NPHP4: variants seen among roughly 807,000 people sequenced by gnomAD.
The protein encoded by NPHP4 is nephrocystin 4.
A neutral mutation model predicts 155.8 loss-of-function variants in NPHP4; 151 were observed. The observed-to-expected ratio is 0.97, with a 90% CI of 0.85 to 1.11. The LOEUF is 1.11. NPHP4 is among the 50% of genes least tolerant of loss of function. The pLI is 0.00. For missense variants in NPHP4, 1,956 were observed against 1,925.7 expected, an observed-to-expected ratio of 1.02 and a Z score of -0.29; for synonymous variants, 845 against 816.8, an observed-to-expected ratio of 1.03 and a Z score of -0.59.
chr1:5,866,320 C>T, intron 26 of NPHP4, 53 bp downstream of exon 26: 4 of 1,199,478 alleles, frequency 3.3e-6, no homozygotes, highest in Non-Finnish European at 4.9e-6. Context: ...CCCAGGCCTG[C>T]CTCCTCCTCT....
chr1:5,923,601 G>A (rs1434122542), intron 11 of NPHP4, among the ~76,000 whole-genome samples: 1 of 152,218 alleles, frequency 6.6e-6, no homozygotes, highest in Non-Finnish European at 1.5e-5. Context: ...GGCAGACATA[G>A]CGCTGTTCCC....
chr1:5,891,332 T>G (rs1644114827), intron 16 of NPHP4, among the ~76,000 whole-genome samples: 1 of 152,222 alleles, frequency 6.6e-6, no homozygotes, highest in Admixed American at 6.5e-5. Flanking sequence ...TGAGGCTGGC[T>G]AGGGAGTTTA....
chr1:5,865,211 A>G lies in NPHP4; in HGVS notation c.3707T>C (p.Val1236Ala), dbSNP rs1641085294. 6.2e-7 allele frequency: 1 copy of G among 1,607,948 alleles called. No homozygotes were observed. The highest frequency in any genetic ancestry group is 2.2e-5 in the East Asian group (1 of 44,686). Reference protein sequence around the residue: ...WQVYLHSLQRVDVSCVAGQLT... With the variant: ...WQVYLHSLQRADVSCVAGQLT... ...CTGGCCTGCGACGCAGGAGACATCCACGCGCTGCAGGGAGTGGAGGTAGAC... is the reference window on the plus strand; with the variant it reads ...CTGGCCTGCGACGCAGGAGACATCCGCGCGCTGCAGGGAGTGGAGGTAGAC... The change falls in exon 27 of 30, where the codon GTG becomes GCG. Residue 1236 changes from valine to alanine, a missense_variant. Coordinates refer to ENST00000378156, the MANE Select transcript of NPHP4 (RefSeq NM_015102.5).
chr1:5,904,773 G>T lies in NPHP4; in HGVS notation c.1987C>A (p.Pro663Thr), dbSNP rs886046465. Residue 663 changes from proline (P) to threonine (T), a missense_variant, in exon 16 of 30, where the codon CCA becomes ACA. By Grantham distance (38) the Pro-to-Thr change is conservative. Coordinates refer to ENST00000378156, the MANE Select transcript of NPHP4 (RefSeq NM_015102.5). ...VAQDCRGTSW[P>T]KTVYFTFQFY... ...TGGAAGGTGAAATACACAGTCTTTG[G>T]CCATGATGTTCCTCGGCAGTCCTGG... 1.9e-6 allele frequency: 3 copies of T among 1,614,002 alleles called. No individual in the cohort carries two copies. Among genetic ancestry groups the T allele is most frequent in the Admixed American group, 1.7e-5 (1 of 60,016 alleles).
rs918984988 is a variant in NPHP4, at chr1:5,864,720, G to A, written c.3817-203C>T. On this transcript the variant is annotated intron_variant, in intron 27 of 29. Transcript: ENST00000378156. ...ACCAGGCAAGTCCCTCCTCTCACAC[G>A]GCGACTATTCCCTAAGCGCTGCCTC... 46 of 547,614 alleles carry A rather than the reference G, an allele frequency of 8.4e-5. No individual in the cohort carries two copies. In the South Asian group the frequency reaches 1.3e-3, roughly 16 times the overall value. The allele number at this position is 547,614 out of a possible 1,614,324, so 33.9% of individuals were successfully genotyped here.
intron 23 of NPHP4, among the ~76,000 whole-genome samples, chr1:5,872,964 G>A (rs1423811528): frequency 6.6e-6 from 1 of 152,222 alleles, no homozygotes; most frequent in Non-Finnish European, 1.5e-5. Flanking sequence ...CGCAGGCTGT[G>A]GCAGCCACCA....
At chr1:5,866,302 C>T (rs1641213876) in intron 26 of NPHP4, 71 bp downstream of exon 26, 1 of 1,008,528 alleles carries the variant, frequency 9.9e-7, no homozygotes, top group East Asian at 2.6e-5. Context: ...TTTCAATCCA[C>T]CAGCAGCCCC....
At chr1:5,984,001 A>G (rs1655102467) in intron 2 of NPHP4, among the ~76,000 whole-genome samples, 1 of 152,108 alleles carries the variant, frequency 6.6e-6, no homozygotes. Flanking sequence ...CAGGAATTCC[A>G]CTTCTAGGAA....
chr1:5,887,326 C>A lies in NPHP4; in HGVS notation c.2445G>T (p.Ser815=), dbSNP rs764367617. 1 of 1,613,452 alleles carries A rather than the reference C, an allele frequency of 6.2e-7. No homozygotes were observed. Among genetic ancestry groups the A allele is most frequent in the East Asian group, 2.2e-5 (1 of 44,882 alleles). Residue 815 remains serine (S), a synonymous_variant, in exon 18 of 30, where the codon TCG becomes TCT. Transcript: ENST00000378156. ...FGRVKPIGVH[S]VVKGRLHLTL... ...TCAGGTGCAGCCGGCCCTTCACCAC[C>A]GAGTGGACGCCGATGGGCTTGACGC...
intron 2 of NPHP4, among the ~76,000 whole-genome samples, chr1:5,978,939 G>A (rs1014299016): frequency 6.6e-6 from 1 of 152,176 alleles, no homozygotes; most frequent in African/African-American, 2.4e-5. Flanking sequence ...CAACTTCCCA[G>A]ATTTTGGGGT....
chr1:5,927,323 G>A (rs1343580447), intron 11 of NPHP4, among the ~76,000 whole-genome samples: 16 of 152,116 alleles, frequency 1.1e-4, no homozygotes, highest in East Asian at 7.7e-4. Flanking sequence ...GGCGGTCCTC[G>A]GCTCTCGACC....
Position 5,969,193 on chromosome 1 carries a change from C to T in NPHP4, c.346G>A (p.Gly116Ser). The T allele has an allele frequency of 1.3e-6, 2 of 1,580,134 alleles. No individual in the cohort carries two copies. Among genetic ancestry groups the T allele is most frequent in the Non-Finnish European group, 1.7e-6 (2 of 1,161,908 alleles). The change falls in exon 4 of 30, where the codon GGC becomes AGC. Residue 116 changes from glycine (G) to serine (S), a missense_variant. Transcript: ENST00000378156. ...TGGAGGCTCCCATCCCGTTTCTTGC[C>T]CTCAGCGACCACTTCCACCACAGCC... is the stretch of plus-strand genomic sequence containing the variant. ...IVAVVEVVAEGKKRDGSLQTL... is the reference protein window; with the variant it reads ...IVAVVEVVAESKKRDGSLQTL...
rs561688857 is a variant in NPHP4 at position 5,951,088 on chromosome 1, T to C, written c.810+1612A>G. Among the ~76,000 whole-genome samples, 56 of 152,260 alleles carry C rather than the reference T, an allele frequency of 3.7e-4. No individual in the cohort carries two copies. In the South Asian group the frequency reaches 0.011, roughly 29 times the overall value. Reference sequence around the variant, plus strand: ...CCTATACTGTTTAGAGATGCATCGATAGGCGGTAGAACCAGAACAGAAAGC... The same window carrying C: ...CCTATACTGTTTAGAGATGCATCGACAGGCGGTAGAACCAGAACAGAAAGC... On this transcript the variant is annotated intron_variant, in intron 7 of 29. Coordinates refer to ENST00000378156, the MANE Select transcript of NPHP4 (RefSeq NM_015102.5).
chr1:5,958,048 T>C (rs1214879181), intron 6 of NPHP4, among the ~76,000 whole-genome samples: 2 of 152,254 alleles, frequency 1.3e-5, no homozygotes, highest in Non-Finnish European at 2.9e-5. Context: ...AATGAATGAA[T>C]TAGTGAATAC....
At chr1:5,877,337 G>C (rs756056904) in intron 19 of NPHP4, 39 bp from the exon 20 acceptor site, 6 of 1,514,914 alleles carry the variant, frequency 4.0e-6, no homozygotes, top group African/African-American at 2.7e-5. Context: ...TAGACGTGCA[G>C]TGTCTGCCTT....
Position 5,863,903 on chromosome 1 carries a change from T to C in NPHP4, c.4127A>G (p.Glu1376Gly), listed in dbSNP as rs749185113. ...GCCCCACCACACCTGGAAGGAGTCC[T>C]CTCTGAACCGCAGCAGCTCCGGGTG... Reference protein sequence around the residue: ...SDHPELLRFREDSFQVGGGET... With the variant: ...SDHPELLRFRGDSFQVGGGET... Residue 1376 changes from glutamate to glycine, a missense_variant, in exon 29 of 30, where the codon GAG (glutamate) becomes GGG (glycine). Glu to Gly is a moderately conservative substitution (Grantham distance 98). Coordinates refer to ENST00000378156, the MANE Select transcript of NPHP4 (RefSeq NM_015102.5). 2 of 1,613,844 alleles carry C rather than the reference T, an allele frequency of 1.2e-6. No individual in the cohort carries two copies. The highest frequency in any genetic ancestry group is 8.5e-7 in the Non-Finnish European group (1 of 1,179,854).
intron 6 of NPHP4, 110 bp downstream of exon 6, chr1:5,961,683 GA>G (rs1482031619): frequency 1.0e-6 from 1 of 988,010 alleles, no homozygotes; most frequent in Non-Finnish European, 1.5e-6. Flanking sequence ...CTGAGCTGCA[GA>G]GGGGCGCTCG....
At chr1:5,934,493 T>G (rs1293657325) in intron 9 of NPHP4, among the ~76,000 whole-genome samples, 1 of 152,114 alleles carries the variant, frequency 6.6e-6, no homozygotes, top group African/African-American at 2.4e-5. Context: ...GACTGGACCA[T>G]GAGCACAGTG....
rs886046462 is a variant in NPHP4 at position 5,874,661 on chromosome 1, G to A, written c.3045-4C>T. ...CTCCTGACTGTCCACGATGACGCTGGGGGAGGCAGTGTCCAGGCGTCAGGG... is the reference window on the plus strand; with the variant it reads ...CTCCTGACTGTCCACGATGACGCTGAGGGAGGCAGTGTCCAGGCGTCAGGG... On this transcript the variant is annotated splice_region_variant and splice_polypyrimidine_tract_variant and intron_variant, in intron 21 of 29. Coordinates refer to ENST00000378156, the MANE Select transcript of NPHP4 (RefSeq NM_015102.5). The A allele has an allele frequency of 1.9e-6, 3 of 1,610,952 alleles. No individual in the cohort carries two copies. The highest frequency in any genetic ancestry group is 2.2e-5 in the South Asian group (2 of 90,554).
Sources: allele counts gnomAD v4.1 joint callset (sites outside exome capture counted in the v4.1 genomes callset), GRCh38; gene constraint gnomAD v4.1.1; transcripts MANE v1.5; gene names NCBI Gene and HGNC (gene_info 2026-07-23, HGNC 2026-07-21).